Variants in DDX60L observed in about 807,000 individuals in gnomAD.
DDX60L encodes probable ATP-dependent RNA helicase DDX60-like.
DDX60L carries 191 observed loss-of-function variants against 211.6 expected under a neutral mutation model. That is an observed-to-expected ratio of 0.90 (90% confidence interval 0.80 to 1.02). The LOEUF (loss-of-function observed/expected upper bound fraction) is 1.02, where lower values mean the gene tolerates loss of function less well. Ranked by LOEUF, DDX60L falls within the 50% of genes least tolerant of loss-of-function variation. DDX60L has a pLI of 0.00. For missense variants in DDX60L, 2,007 were observed against 1,984.1 expected, an observed-to-expected ratio of 1.01 and a Z score of -0.22; for synonymous variants, 706 against 694.1, an observed-to-expected ratio of 1.02 and a Z score of -0.27.
chr4:168,395,899 C>T (rs1456899895), intron 27 of DDX60L, 60 bp downstream of exon 27: 15 of 1,139,260 alleles, frequency 1.3e-5, no homozygotes, highest in African/African-American at 4.7e-5. Context: ...AGATATTAAA[C>T]GATCACTATG....
Position 168,436,964 on chromosome 4 carries a change from C to G in DDX60L, c.1295-3849G>C, listed in dbSNP as rs1019772126. ...CAGGGGACATTGGGCTGCTACTACT[C>G]AATGGAGGGGTAAGAAAAAGTATGT... is the stretch of plus-strand genomic sequence containing the variant. On this transcript the variant is annotated intron_variant, in intron 10 of 37. Coordinates refer to ENST00000682922, the MANE Select transcript of DDX60L (RefSeq NM_001012967.3). 6.6e-5 allele frequency among the ~76,000 whole-genome samples: 10 copies of G among 152,142 alleles called. No homozygotes were observed. In the East Asian group the frequency reaches 1.9e-3, roughly 29 times the overall value.
In DDX60L at chr4:168,460,598, C is replaced by T. The variant is rs375960728; in HGVS notation, c.606+1101G>A. Among the ~76,000 whole-genome samples the T allele has an allele frequency of 1.8e-4, 27 of 152,068 alleles. No homozygotes were observed. The East Asian group carries it at 2.1e-3, about 12-fold the overall frequency. On this transcript the variant is annotated intron_variant, in intron 5 of 37. Coordinates refer to ENST00000682922, the MANE Select transcript of DDX60L (RefSeq NM_001012967.3). ...CAACCTTTTATTCGTAAAGGAAAAC[C>T]ACTTCTTTACTTATAACACTAACAA...
chr4:168,433,896 A>C (rs905886188), intron 10 of DDX60L, among the ~76,000 whole-genome samples: 3 of 152,168 alleles, frequency 2.0e-5, no homozygotes, highest in African/African-American at 7.2e-5. Context: ...CTCATTCATA[A>C]GTTGTACTTA....
chr4:168,410,030 G>C (rs144417487), intron 22 of DDX60L, among the ~76,000 whole-genome samples: 176 of 152,210 alleles, frequency 1.2e-3, no homozygotes, highest in African/African-American at 4.0e-3. Flanking sequence ...AATATTTACT[G>C]AGCAACTTTT....
chr4:168,392,041 G>C (rs1457894480), intron 28 of DDX60L, among the ~76,000 whole-genome samples: 1 of 152,138 alleles, frequency 6.6e-6, no homozygotes, highest in African/African-American at 2.4e-5. Context: ...TCAACACCTG[G>C]AAGAGTATTG....
At chr4:168,376,180 C>A (rs1741914785) in intron 33 of DDX60L, among the ~76,000 whole-genome samples, 1 of 152,082 alleles carries the variant, frequency 6.6e-6, no homozygotes, top group Non-Finnish European at 1.5e-5. Context: ...TAGAAATGTT[C>A]TTGGTTTTCT....
At chr4:168,430,715 T>G in intron 12 of DDX60L, 77 bp from the exon 13 acceptor site, 1 of 1,102,402 alleles carries the variant, frequency 9.1e-7, no homozygotes, top group Non-Finnish European at 1.2e-6. Flanking sequence ...CACATTATTT[T>G]TTTAACTCCA....
rs1579495216 is a variant in DDX60L at position 168,416,694 on chromosome 4, T to A, written c.2714A>T (p.Asn905Ile). ...TACCTATACCTACTTGGTGAGAAGA[T>A]TTGGGTTATTTATGGTAGCTGAAAG... The part of the protein sequence containing the change: ...LVLSATINNP[N>I]LLTKWLQSVK... The change falls in exon 20 of 38, where the codon AAT (asparagine) becomes ATT (isoleucine). Residue 905 changes from asparagine to isoleucine, a missense_variant. Physicochemically the swap from Asn to Ile is moderately radical, Grantham distance 149 (BLOSUM62 -3). Transcript: ENST00000682922. 2 of 1,594,860 alleles carry A rather than the reference T, an allele frequency of 1.3e-6. No individual in the cohort carries two copies. Among genetic ancestry groups the A allele is most frequent in the African/African-American group, 1.4e-5 (1 of 73,786 alleles).
intron 36 of DDX60L, among the ~76,000 whole-genome samples, chr4:168,362,928 A>G (rs1319061278): frequency 6.6e-6 from 1 of 152,188 alleles, no homozygotes; most frequent in Admixed American, 6.5e-5. Context: ...AAAACTTCCC[A>G]TGTCTTGGGA....
intron 25 of DDX60L, among the ~76,000 whole-genome samples, chr4:168,402,160 C>T (rs1746944041): frequency 7.7e-6 from 1 of 129,668 alleles, no homozygotes; most frequent in Non-Finnish European, 1.5e-5. Flanking sequence ...CAGGCTCTTG[C>T]TCTGTCGCCC....
At chr4:168,382,703 CA>C (rs1168265846) in intron 30 of DDX60L, among the ~76,000 whole-genome samples, 1 of 151,846 alleles carries the variant, frequency 6.6e-6, no homozygotes, top group Non-Finnish European at 1.5e-5. Context: ...TATTTTTCCA[CA>C]AAAAATATAT....
intron 20 of DDX60L, among the ~76,000 whole-genome samples, chr4:168,416,162 T>C (rs3762848): frequency 0.43 from 65,114 of 152,018 alleles, 15,500 homozygotes; most frequent in African/African-American, 0.64. Context: ...AAAACAATAC[T>C]TGACGTTCAT....
intron 8 of DDX60L, among the ~76,000 whole-genome samples, chr4:168,452,081 C>T (rs185636743): frequency 3.9e-5 from 6 of 152,262 alleles, no homozygotes; most frequent in African/African-American, 1.4e-4. Flanking sequence ...ATTGAAGTTC[C>T]ATGGAAGAAG....
intron 30 of DDX60L, among the ~76,000 whole-genome samples, chr4:168,381,253 A>T (rs777978285): frequency 6.6e-6 from 1 of 152,184 alleles, no homozygotes; most frequent in Non-Finnish European, 1.5e-5. Context: ...GCAAATGCTG[A>T]TAGTCAAGAC....
At position 168,431,588 on chromosome 4, in the gene DDX60L, A is replaced by G. The variant is rs1287962781; in HGVS notation, c.1516+867T>C. Among the ~76,000 whole-genome samples, 3 of 151,126 alleles carry G rather than the reference A, an allele frequency of 2.0e-5. No homozygotes were observed. The East Asian group carries it at 5.9e-4, about 30-fold the overall frequency. ...GTGGGGGGAGGGATAGCATTAAGAG[A>G]TATACCTAATGCTAAATGACGAGTT... On this transcript the variant is annotated intron_variant, in intron 12 of 37. Coordinates refer to ENST00000682922, the MANE Select transcript of DDX60L (RefSeq NM_001012967.3).
At chr4:168,400,463 A>G (rs1048981362) in intron 26 of DDX60L, among the ~76,000 whole-genome samples, 3 of 152,148 alleles carry the variant, frequency 2.0e-5, no homozygotes, top group African/African-American at 7.2e-5. Context: ...CAATGGTTGA[A>G]CTAATTTACA....
At chr4:168,428,843 C>A (rs974225183) in intron 13 of DDX60L, among the ~76,000 whole-genome samples, 3 of 152,116 alleles carry the variant, frequency 2.0e-5, no homozygotes, top group Non-Finnish European at 4.4e-5. Flanking sequence ...TGATACTTTT[C>A]CACATTATCT....
chr4:168,439,190 T>C (rs1436753536), intron 10 of DDX60L, among the ~76,000 whole-genome samples: 1 of 152,208 alleles, frequency 6.6e-6, no homozygotes, highest in Non-Finnish European at 1.5e-5. Context: ...CAGTTTTAGA[T>C]GTCAACTTCA....
At chr4:168,421,739 T>G (rs1205004978) in intron 17 of DDX60L, 21 bp downstream of exon 17, 1 of 1,612,242 alleles carries the variant, frequency 6.2e-7, no homozygotes, top group East Asian at 2.2e-5. Flanking sequence ...AAAGCAAAAA[T>G]GAAAGTCATT....
Sources: gnomAD v4.1 joint callset for allele counts (sites outside exome capture counted in the v4.1 genomes callset) on GRCh38, gnomAD v4.1.1 for gene constraint, MANE v1.5 for transcripts, NCBI Gene and HGNC (gene_info 2026-07-23, HGNC 2026-07-21) for gene names.